Variants in COPS5 observed in about 807,000 individuals in gnomAD.
The protein encoded by COPS5 is COP9 signalosome complex subunit 5.
A neutral mutation model predicts 44.4 loss-of-function variants in COPS5; 8 were observed. The observed-to-expected ratio is 0.18, with a 90% CI of 0.11 to 0.32. The LOEUF is 0.32. COPS5 is among the 10% of genes least tolerant of loss of function. The pLI is 1.00. For synonymous variants in COPS5, 122 were observed against 142.8 expected (o/e 0.85, Z 1.04); for missense variants, 159 against 406.4 (o/e 0.39, Z 5.23).
chr8:67,053,114 C>T (rs984635390), intron 5 of COPS5, among the ~76,000 whole-genome samples: 2 of 151,926 alleles, frequency 1.3e-5, no homozygotes, highest in African/African-American at 2.4e-5. Flanking sequence ...TTCTGAGCCG[C>T]AATCTCACTC....
intron 7 of COPS5, chr8:67,043,970 A>C (rs987278556): frequency 1.1e-4 from 16 of 152,218 alleles, no homozygotes; most frequent in African/African-American, 3.6e-4. Context: ...TAAACTGATA[A>C]ATGACATACA....
At chr8:67,058,332 A>C in intron 2 of COPS5, 121 bp from the exon 3 acceptor site, 34 of 915,788 alleles carry the variant, frequency 3.7e-5, no homozygotes, top group Non-Finnish European at 5.5e-5. Context: ...CACTTTTCTC[A>C]GCCCAGATGC....
rs1460542235 is a variant in COPS5 at position 67,059,304 on chromosome 8, A to G, written c.285T>C (p.Ser95=). 1 of 1,614,082 alleles carries G rather than the reference A, an allele frequency of 6.2e-7. No homozygotes were observed. The highest frequency in any genetic ancestry group is 8.5e-7 in the Non-Finnish European group (1 of 1,180,034). Residue 95 remains serine, a synonymous_variant, in exon 2 of 8, where the codon AGT becomes AGC. Coordinates refer to ENST00000357849, the MANE Select transcript of COPS5 (RefSeq NM_006837.3). The stretch of plus-strand genomic sequence containing the variant: ...CAGTGCCCTCCACAGGCAAAGCAAA[A>G]CTGTCCATAATGATCATGGTTTCAC... ...VDGETMIIMD[S]FALPVEGTET...
At chr8:67,046,846 A>AAAC (rs1563443905) in intron 6 of COPS5, among the ~76,000 whole-genome samples, 6 of 149,316 alleles carry the variant, frequency 4.0e-5, no homozygotes, top group Admixed American at 1.3e-4. Flanking sequence ...AAAAAAAAAA[A>AAAC]AACAAACACT....
Sources: allele counts gnomAD v4.1 joint callset (sites outside exome capture counted in the v4.1 genomes callset), GRCh38; gene constraint gnomAD v4.1.1; transcripts MANE v1.5; gene names NCBI Gene and HGNC (gene_info 2026-07-23, HGNC 2026-07-21).